Variants in IL1RAPL1 observed in about 807,000 individuals in gnomAD.
IL1RAPL1 encodes the protein interleukin-1 receptor accessory protein-like 1.
In IL1RAPL1, 3 loss-of-function variants were observed where a neutral mutation model predicts 48.4. The ratio of observed to expected loss-of-function variants is 0.06; its 90% CI spans 0.03 to 0.16. The LOEUF (loss-of-function observed/expected upper bound fraction) is 0.16. Ranked by LOEUF, IL1RAPL1 falls within the 10% of genes least tolerant of loss-of-function variation. The pLI is 1.00. For missense variants in IL1RAPL1, 349 were observed against 530.6 expected (o/e 0.66, Z 3.36); for synonymous variants, 185 against 187.7 (o/e 0.99, Z 0.12).
chrX:29,134,853 C>T (rs1302300283), intron 2 of IL1RAPL1, among the ~76,000 whole-genome samples: 1 of 111,477 alleles, frequency 9.0e-6, no homozygotes, highest in African/African-American at 3.3e-5. Context: ...ATATACTGGA[C>T]TAACGTATAC....
chrX:29,010,279 A>T (rs928824529), intron 2 of IL1RAPL1, among the ~76,000 whole-genome samples: 3 of 111,808 alleles, frequency 2.7e-5, no homozygotes, highest in African/African-American at 9.8e-5. Context: ...TTCCAGTACT[A>T]TGCTGAACAG....
chrX:29,350,330 G>A (rs750675315), intron 3 of IL1RAPL1, among the ~76,000 whole-genome samples: 2 of 96,770 alleles, frequency 2.1e-5, no homozygotes, highest in South Asian at 1.1e-3. Context: ...GTAACCAAGT[G>A]GAGGTTCACC....
chrX:29,880,135 G>T (rs973703867), intron 6 of IL1RAPL1, among the ~76,000 whole-genome samples: 39 of 110,944 alleles, frequency 3.5e-4, no homozygotes, highest in African/African-American at 1.2e-3. Flanking sequence ...TGATAATGGA[G>T]AAGATGGAAA....
intron 3 of IL1RAPL1, among the ~76,000 whole-genome samples, chrX:29,362,713 C>G (rs776367926): frequency 2.7e-5 from 3 of 111,585 alleles, no homozygotes; most frequent in Non-Finnish European, 5.6e-5. Context: ...CCATCATTAT[C>G]CAACGATAAT....
chrX:29,755,278 C>G (rs1038759643), intron 6 of IL1RAPL1, among the ~76,000 whole-genome samples: 2 of 112,167 alleles, frequency 1.8e-5, no homozygotes, highest in African/African-American at 6.5e-5. Context: ...TTAGCCCACT[C>G]TGAACAAGTT....
intron 2 of IL1RAPL1, among the ~76,000 whole-genome samples, chrX:28,888,880 A>G (rs1922706971): frequency 9.0e-6 from 1 of 110,844 alleles, no homozygotes; most frequent in African/African-American, 3.3e-5. Context: ...AGAACTAACA[A>G]TAATTACCAA....
chrX:29,393,303 A>G (rs1473031624), intron 3 of IL1RAPL1, among the ~76,000 whole-genome samples: 1 of 111,735 alleles, frequency 8.9e-6, no homozygotes, highest in Non-Finnish European at 1.9e-5. Context: ...TTGTATTTTC[A>G]GTGGAGACGG....
At position 28,738,383 on chromosome X, in the gene IL1RAPL1, C is replaced by T. The variant is rs191357932; in HGVS notation, c.-24-50937C>T. Among the ~76,000 whole-genome samples the T allele has an allele frequency of 4.8e-4, 54 of 111,510 alleles. No homozygotes were observed. The East Asian group carries it at 0.014, about 29-fold the overall frequency. ...GATATAGCAGAGAACAAAAATAAGT[C>T]CCTGACCTCATGTATCTTATAAGAA... is the stretch of plus-strand genomic sequence containing the variant. On this transcript the variant is annotated intron_variant, in intron 1 of 10. Transcript: ENST00000378993.
At position 29,013,879 on chromosome X, in the gene IL1RAPL1, GA is replaced by G. The variant is rs770863182; in HGVS notation, c.82+224464del. On this transcript the variant is annotated intron_variant, in intron 2 of 10. Transcript: ENST00000378993. ...GTACCCCTGAACTTAAAAGTTGAAG[GA>G]AAAAAAAAAGCAAAAGCAGATTAGT... Among the ~76,000 whole-genome samples the G allele has an allele frequency of 5.9e-3, 617 of 104,682 alleles. 4 individuals carry two copies. The highest frequency in any genetic ancestry group is 9.5e-3 in the Middle Eastern group (2 of 211). 90.9% of individuals were successfully genotyped at this position (104,682 alleles called of 115,157 possible). A position where few individuals can be genotyped will look rare whatever the true frequency, so the allele number is the denominator to read the frequency against.
chrX:28,829,854 G>A (rs890622524), intron 2 of IL1RAPL1, among the ~76,000 whole-genome samples: 13 of 110,611 alleles, frequency 1.2e-4, no homozygotes, highest in African/African-American at 3.9e-4. Context: ...CACCGTGCCC[G>A]GCCTGGAATT....
chrX:29,509,362 A>G (rs1030737369), intron 5 of IL1RAPL1, among the ~76,000 whole-genome samples: 1 of 112,011 alleles, frequency 8.9e-6, no homozygotes, highest in Non-Finnish European at 1.9e-5. Context: ...CTGGTCTACA[A>G]ATATTTTCTC....
chrX:28,812,353 G>A (rs1473361711), intron 2 of IL1RAPL1, among the ~76,000 whole-genome samples: 3 of 110,463 alleles, frequency 2.7e-5, no homozygotes, highest in Non-Finnish European at 5.7e-5. Flanking sequence ...ATTTTAAAGT[G>A]TCAACTCTCT....
chrX:29,343,096 A>C, intron 3 of IL1RAPL1, among the ~76,000 whole-genome samples: 1 of 112,349 alleles, frequency 8.9e-6, no homozygotes, highest in Non-Finnish European at 1.9e-5. Context: ...TACTTGGGTA[A>C]TCAAAACAAT....
intron 2 of IL1RAPL1, among the ~76,000 whole-genome samples, chrX:28,927,071 T>G (rs1298794446): frequency 9.0e-6 from 1 of 111,316 alleles, no homozygotes; most frequent in Non-Finnish European, 1.9e-5. Flanking sequence ...ATTTTTAAAT[T>G]TTTTTGCAGA....
chrX:28,808,156 G>A (rs948769225), intron 2 of IL1RAPL1, among the ~76,000 whole-genome samples: 5 of 111,617 alleles, frequency 4.5e-5, no homozygotes, highest in African/African-American at 1.6e-4. Context: ...GACAATGCCA[G>A]TGGATTAATG....
chrX:29,325,353 G>A lies in IL1RAPL1; in HGVS notation c.362+42136G>A, dbSNP rs143537363. Among the ~76,000 whole-genome samples, 157 of 112,070 alleles carry A rather than the reference G, an allele frequency of 1.4e-3. 2 individuals carry two copies. The highest frequency in any genetic ancestry group is 4.5e-3 in the African/African-American group (138 of 30,903). ...TCAGAGGACAGATGAAGGCTTTCACGTCTTCATTTGTTCACACCCTATATT... is the reference window on the plus strand; with the variant it reads ...TCAGAGGACAGATGAAGGCTTTCACATCTTCATTTGTTCACACCCTATATT... On this transcript the variant is annotated intron_variant, in intron 3 of 10. Transcript: ENST00000378993.
intron 5 of IL1RAPL1, among the ~76,000 whole-genome samples, chrX:29,552,802 C>CTTTTTTTTTTTTTTTTTTTTTT (rs765234944): frequency 4.4e-5 from 1 of 22,988 alleles, no homozygotes; most frequent in African/African-American, 1.8e-4. Flanking sequence ...TTTCACTCTC[C>CTTTTTTTTTTTTTTTTTTTTTT]TTTTTTTTTT....
chrX:28,590,125 A>T (rs1601826895), intron 1 of IL1RAPL1, among the ~76,000 whole-genome samples: 1 of 111,436 alleles, frequency 9.0e-6, no homozygotes, highest in South Asian at 3.8e-4. Flanking sequence ...TTTAAAGAAG[A>T]TACACATCAG....
At position 29,216,683 on chromosome X, in the gene IL1RAPL1, T is replaced by C. The variant is rs780842046; in HGVS notation, c.83-66255T>C. Among the ~76,000 whole-genome samples, 4 of 111,561 alleles carry C rather than the reference T, an allele frequency of 3.6e-5. No individual in the cohort carries two copies. In the South Asian group the frequency reaches 1.5e-3, roughly 42 times the overall value. ...ATATTCTCAGGTAAGAATCCAACCT[T>C]ATGGAGGGTGGCAAAGGTTAAGATT... On this transcript the variant is annotated intron_variant, in intron 2 of 10. Transcript: ENST00000378993.
Sources: allele counts gnomAD v4.1 joint callset (sites outside exome capture counted in the v4.1 genomes callset), GRCh38; gene constraint gnomAD v4.1.1; transcripts MANE v1.5; gene names NCBI Gene and HGNC (gene_info 2026-07-23, HGNC 2026-07-21).